TTC9: variants seen among roughly 807,000 people sequenced by gnomAD.
TTC9 encodes the protein tetratricopeptide repeat protein 9A.
TTC9 carries 13 observed loss-of-function variants against 22.9 expected under a neutral mutation model. The observed-to-expected ratio is 0.57, with a 90% CI of 0.37 to 0.90. The LOEUF is 0.90. TTC9 is among the 40% of genes least tolerant of loss of function. TTC9 has a pLI of 0.01. For missense variants in TTC9, 280 were observed against 291.8 expected (o/e 0.96, Z 0.29); for synonymous variants, 148 against 133.2 (o/e 1.11, Z -0.77).
chr14:70,665,066 C>T (rs1049291556), intron 1 of TTC9, among the ~76,000 whole-genome samples: 1 of 152,198 alleles, frequency 6.6e-6, no homozygotes, highest in African/African-American at 2.4e-5. Context: ...GCCCCTGTCA[C>T]CACCATTTTA....
intron 1 of TTC9, among the ~76,000 whole-genome samples, chr14:70,653,427 C>G (rs1296994069): frequency 1.3e-5 from 2 of 152,194 alleles, no homozygotes; most frequent in Non-Finnish European, 2.9e-5. Context: ...TGGACATTGT[C>G]TACCACCATG....
At chr14:70,643,263 G>C (rs1289630038) in intron 1 of TTC9, among the ~76,000 whole-genome samples, 2 of 152,206 alleles carry the variant, frequency 1.3e-5, no homozygotes, top group Admixed American at 1.3e-4. Context: ...CTGGCTGCTA[G>C]GGGTGAAGGA....
At chr14:70,668,867 A>AT (rs1453821859) in intron 2 of TTC9, among the ~76,000 whole-genome samples, 1 of 144,216 alleles carries the variant, frequency 6.9e-6, no homozygotes, top group African/African-American at 2.5e-5. Flanking sequence ...AAAAAAAAAA[A>AT]GGAGTAAGGC....
In TTC9 at chr14:70,642,537, T is replaced by TGAGCC. The variant is rs559466951; in HGVS notation, c.406+4_406+8dup. The TGAGCC allele has an allele frequency of 2.9e-4, 440 of 1,516,722 alleles. 2 individuals carry two copies. In the African/African-American group the frequency reaches 5.5e-3, roughly 19 times the overall value. 94.0% of individuals were successfully genotyped at this position (1,516,722 alleles called of 1,614,324 possible). On this transcript the variant is annotated splice_region_variant and intron_variant, in intron 1 of 2. Transcript: ENST00000256367. ...TCGACTGTTACAACAGCCTGGCAGG[T>TGAGCC]GAGCCGCGCCGCGCCCCCCGCGCCG...
In TTC9 at chr14:70,652,210, G is replaced by A. The variant is rs1885994736; in HGVS notation, c.406+9675G>A. ...CTTTCTGGGAGCAGTCGGATTTGGG[G>A]AAGGAAACAGGAGACAAGCTCTCTT... On this transcript the variant is annotated intron_variant, in intron 1 of 2. Coordinates refer to ENST00000256367, the MANE Select transcript of TTC9 (RefSeq NM_015351.2). Among the ~76,000 whole-genome samples, 3 of 152,328 alleles carry A rather than the reference G, an allele frequency of 2.0e-5. No homozygotes were observed. The South Asian group carries it at 6.2e-4, about 32-fold the overall frequency.
rs368747577 is a variant in TTC9 at position 70,673,613 on chromosome 14, G to A, written c.*2458G>A. On this transcript the variant is annotated 3_prime_UTR_variant, in exon 3 of 3. Transcript: ENST00000256367. ...CATTCCCAAGCCTCCAACTTAGAAC[G>A]TTTGTGATTTGGCAGATGGTTTGTT... 7.7e-6 allele frequency: 1 copy of A among 130,368 alleles called. No homozygotes were observed. Among genetic ancestry groups the A allele is most frequent in the East Asian group, 2.6e-4 (1 of 3,878 alleles). The allele number at this position is 130,368 out of a possible 1,614,324, so 8.1% of individuals were successfully genotyped here. A position where few individuals can be genotyped will look rare whatever the true frequency, so the allele number is the denominator to read the frequency against.
chr14:70,659,288 G>T (rs960487897), intron 1 of TTC9, among the ~76,000 whole-genome samples: 1 of 152,164 alleles, frequency 6.6e-6, no homozygotes, highest in Non-Finnish European at 1.5e-5. Context: ...AATGGGTAAA[G>T]GGTATGGGAG....
intron 1 of TTC9, among the ~76,000 whole-genome samples, chr14:70,649,628 T>C (rs1885952677): frequency 6.6e-6 from 1 of 152,178 alleles, no homozygotes. Flanking sequence ...TCTTTAGGGG[T>C]TTCTTCCTTA....
intron 1 of TTC9, among the ~76,000 whole-genome samples, chr14:70,662,413 CA>C (rs57369399): frequency 0.1 from 12,443 of 123,042 alleles, 752 homozygotes; most frequent in African/African-American, 0.18. Context: ...ATCTCTATGC[CA>C]AAAAAAAAAA....
At chr14:70,666,190 T>TCCAGG (rs1319976612) in intron 1 of TTC9, among the ~76,000 whole-genome samples, 2 of 152,166 alleles carry the variant, frequency 1.3e-5, no homozygotes, top group African/African-American at 4.8e-5. Context: ...TTAGTCATCC[T>TCCAGG]CCAGGCGTGT....
chr14:70,664,808 A>G (rs1056748822), intron 1 of TTC9, among the ~76,000 whole-genome samples: 2 of 150,112 alleles, frequency 1.3e-5, no homozygotes, highest in Admixed American at 1.3e-4. Context: ...CTATTTCTCC[A>G]TCTTTCTGGG....
intron 1 of TTC9, among the ~76,000 whole-genome samples, chr14:70,666,033 A>C (rs1471791960): frequency 1.3e-5 from 2 of 151,208 alleles, no homozygotes; most frequent in Non-Finnish European, 2.9e-5. Context: ...CTTTTTTTGT[A>C]CTCCCTCCGA....
intron 1 of TTC9, among the ~76,000 whole-genome samples, chr14:70,647,050 A>C (rs1037293846): frequency 6.6e-6 from 1 of 152,174 alleles, no homozygotes; most frequent in Non-Finnish European, 1.5e-5. Context: ...GGTGTTTTGC[A>C]TTTGCTATTT....
intron 1 of TTC9, among the ~76,000 whole-genome samples, chr14:70,651,334 A>C (rs1328889137): frequency 6.6e-6 from 1 of 152,284 alleles, no homozygotes; most frequent in East Asian, 1.9e-4. Flanking sequence ...ACCTACATAC[A>C]TTATTACTTT....
chr14:70,652,793 CT>C (rs1886004325), intron 1 of TTC9, among the ~76,000 whole-genome samples: 1 of 152,208 alleles, frequency 6.6e-6, no homozygotes, highest in Non-Finnish European at 1.5e-5. Flanking sequence ...TCTAATGGAT[CT>C]GCACCTCCAG....
rs974734071 is a variant in TTC9, at chr14:70,674,803, C to G, written c.*3648C>G. On this transcript the variant is annotated 3_prime_UTR_variant, in exon 3 of 3. Transcript: ENST00000256367. ...CAGCATCTTCATTGTATGGATGGACCCTTTTTTTATCATCAATCCTCAAAT... is the reference window on the plus strand; with the variant it reads ...CAGCATCTTCATTGTATGGATGGACGCTTTTTTTATCATCAATCCTCAAAT... 2 of 152,086 alleles carry G rather than the reference C, an allele frequency of 1.3e-5. No homozygotes were observed. Among genetic ancestry groups the G allele is most frequent in the South Asian group, 2.1e-4 (1 of 4,834 alleles). 9.4% of individuals were successfully genotyped at this position (152,086 alleles called of 1,614,324 possible).
intron 1 of TTC9, among the ~76,000 whole-genome samples, chr14:70,659,132 G>GCGCGCACACACACA (rs762892061): frequency 0.017 from 2,456 of 144,296 alleles, 39 homozygotes; most frequent in South Asian, 0.049. Context: ...ACACACACAC[G>GCGCGCACACACACA]CACACACACA....
At chr14:70,650,389 C>T (rs781340274) in intron 1 of TTC9, among the ~76,000 whole-genome samples, 45 of 151,564 alleles carry the variant, frequency 3.0e-4, no homozygotes, top group Non-Finnish European at 3.8e-4. Context: ...CACCACTGCA[C>T]GCCAGCCTGG....
At chr14:70,663,710 T>TGG (rs562109455) in intron 1 of TTC9, among the ~76,000 whole-genome samples, 1 of 145,412 alleles carries the variant, frequency 6.9e-6, no homozygotes, top group Non-Finnish European at 1.5e-5. Context: ...CCCAGGTGGG[T>TGG]GGGGGGGCGG....
Sources: allele counts gnomAD v4.1 joint callset (sites outside exome capture counted in the v4.1 genomes callset), GRCh38; gene constraint gnomAD v4.1.1; transcripts MANE v1.5; gene names NCBI Gene and HGNC (gene_info 2026-07-23, HGNC 2026-07-21).